DCAF8L2: variants seen among roughly 807,000 people sequenced by gnomAD.
DCAF8L2 encodes DDB1- and CUL4-associated factor 8-like protein 2.
For synonymous variants in DCAF8L2, 200 were observed against 190.9 expected, an observed-to-expected ratio of 1.05 and a Z score of -0.39; for missense variants, 430 against 490.7, an observed-to-expected ratio of 0.88 and a Z score of 1.17.
chrX:27,482,952 T>C, the DCAF8L2 span, among the ~76,000 whole-genome samples: 5 of 111,775 alleles, frequency 4.5e-5, no homozygotes, highest in African/African-American at 1.6e-4. Flanking sequence ...GTTTTGTGTT[T>C]GCTTGTGTGT....
chrX:27,741,902 A>T (rs1038748013), intron 4 of DCAF8L2, among the ~76,000 whole-genome samples: 6 of 112,158 alleles, frequency 5.3e-5, no homozygotes, highest in Admixed American at 2.8e-4. Context: ...AAACAGAAAA[A>T]CTGAGCTCCA....
chrX:27,585,844 T>C (rs930236786), upstream of DCAF8L2, among the ~76,000 whole-genome samples: 6 of 111,707 alleles, frequency 5.4e-5, no homozygotes, highest in Non-Finnish European at 9.4e-5. Context: ...TTCACCCCTT[T>C]AGTGAACTCT....
At chrX:27,710,829 A>ACTT (rs1931499315) in intron 3 of DCAF8L2, among the ~76,000 whole-genome samples, 1 of 112,387 alleles carries the variant, frequency 8.9e-6, no homozygotes, top group Admixed American at 9.4e-5. Flanking sequence ...CATTAGAAGA[A>ACTT]AAGATTTACT....
intron 3 of DCAF8L2, among the ~76,000 whole-genome samples, chrX:27,710,027 T>C (rs1269408269): frequency 3.6e-5 from 4 of 111,594 alleles, no homozygotes; most frequent in Non-Finnish European, 7.5e-5. Context: ...TTGTATATGG[T>C]TTGCATTAAG....
chrX:27,665,880 G>C (rs1929723050), intron 2 of DCAF8L2, among the ~76,000 whole-genome samples: 1 of 111,722 alleles, frequency 9.0e-6, no homozygotes, highest in African/African-American at 3.3e-5. Flanking sequence ...ACACTTAATA[G>C]CCTACAGTGT....
Position 27,708,415 on chromosome X carries a change from C to T in DCAF8L2, c.-142-7673C>T, listed in dbSNP as rs904282448. ...TCCACCATTGACATCTATACCCATA[C>T]CACTCTGAATGTGTCTGATATCAGA... is the stretch of plus-strand genomic sequence containing the variant. On this transcript the variant is annotated intron_variant, in intron 3 of 4. Transcript: ENST00000451261. Among the ~76,000 whole-genome samples, 71 of 111,762 alleles carry T rather than the reference C, an allele frequency of 6.4e-4. 1 individual carries two copies. Among genetic ancestry groups the T allele is most frequent in the African/African-American group, 2.2e-3 (69 of 30,735 alleles).
chrX:27,644,488 A>T (rs1231350895), intron 2 of DCAF8L2, among the ~76,000 whole-genome samples: 1 of 111,439 alleles, frequency 9.0e-6, no homozygotes, highest in African/African-American at 3.3e-5. Flanking sequence ...ACATTGATAA[A>T]TCAGGCTAAC....
chrX:27,590,392 C>T lies in DCAF8L2; in HGVS notation c.-390C>T, dbSNP rs1175313196. 1 of 111,478 alleles carries T rather than the reference C, an allele frequency of 9.0e-6. No individual in the cohort carries two copies. Among genetic ancestry groups the T allele is most frequent in the Non-Finnish European group, 1.9e-5 (1 of 53,120 alleles). The allele number at this position is 111,478 out of a possible 1,213,427, so 9.2% of individuals were successfully genotyped here. A position where few individuals can be genotyped will look rare whatever the true frequency, so the allele number is the denominator to read the frequency against. On this transcript the variant is annotated 5_prime_UTR_variant, in exon 1 of 5. The change creates a new upstream start codon in the 5' untranslated region. Coordinates refer to ENST00000451261, the MANE Select transcript of DCAF8L2 (RefSeq NM_001353450.2). ...CCTCCCCACAAGGTTATTTAGAAGACGTCTTGCACTGTTCAAATGCAGAGG... is the reference window on the plus strand; with the variant it reads ...CCTCCCCACAAGGTTATTTAGAAGATGTCTTGCACTGTTCAAATGCAGAGG...
the DCAF8L2 span, among the ~76,000 whole-genome samples, chrX:27,575,428 C>A: frequency 9.0e-6 from 1 of 111,104 alleles, no homozygotes; most frequent in Admixed American, 9.6e-5. Flanking sequence ...CTATCCTCAC[C>A]TAGGTCAGTG....
At chrX:27,581,234 T>A in the DCAF8L2 span, among the ~76,000 whole-genome samples, 1 of 111,871 alleles carries the variant, frequency 8.9e-6, no homozygotes, top group African/African-American at 3.2e-5. Flanking sequence ...GTACTCTTCA[T>A]GTTTTTTATT....
intron 4 of DCAF8L2, among the ~76,000 whole-genome samples, chrX:27,720,372 A>ATTT (rs200192610): frequency 9.3e-6 from 1 of 108,077 alleles, no homozygotes. Flanking sequence ...TATTATTATT[A>ATTT]TTATTTTTTT....
chrX:27,492,072 T>C, the DCAF8L2 span, among the ~76,000 whole-genome samples: 1 of 112,397 alleles, frequency 8.9e-6, no homozygotes, highest in Middle Eastern at 4.2e-3. Flanking sequence ...GGCACTCTGT[T>C]CTCACCTATA....
chrX:27,705,371 T>C (rs1225349445), intron 3 of DCAF8L2, among the ~76,000 whole-genome samples: 4 of 111,789 alleles, frequency 3.6e-5, no homozygotes, highest in Non-Finnish European at 7.5e-5. Flanking sequence ...TTTGAAGAAC[T>C]GTTTTCCAAA....
At position 27,648,222 on chromosome X, in the gene DCAF8L2, G is replaced by C. The variant is rs766408916; in HGVS notation, c.-220+16222G>C. On this transcript the variant is annotated intron_variant, in intron 2 of 4. Transcript: ENST00000451261. ...TTAGCAGATAAAGATTATAAAATAA[G>C]TATGTATAAGATGTTTAAAGAAATA... Among the ~76,000 whole-genome samples the C allele has an allele frequency of 2.5e-4, 28 of 110,931 alleles. 1 individual carries two copies. The highest frequency in any genetic ancestry group is 9.5e-3 in the Middle Eastern group (2 of 210).
chrX:27,637,874 A>T (rs753236974), intron 2 of DCAF8L2, among the ~76,000 whole-genome samples: 5 of 111,652 alleles, frequency 4.5e-5, no homozygotes, highest in Non-Finnish European at 7.5e-5. Context: ...TTGCTTAGGG[A>T]AGCACAACTA....
At position 27,714,563 on chromosome X, in the gene DCAF8L2, A is replaced by G. The variant is rs150047657; in HGVS notation, c.-142-1525A>G. Among the ~76,000 whole-genome samples, 264 of 112,286 alleles carry G rather than the reference A, an allele frequency of 2.4e-3. 1 individual carries two copies. The highest frequency in any genetic ancestry group is 0.019 in the Admixed American group (202 of 10,604). ...TATTCCCATTGTATAAAATGACTAC[A>G]TTTTAACACCACTAAGATTTAGAAG... On this transcript the variant is annotated intron_variant, in intron 3 of 4. Coordinates refer to ENST00000451261, the MANE Select transcript of DCAF8L2 (RefSeq NM_001353450.2).
chrX:27,527,479 G>C, the DCAF8L2 span, among the ~76,000 whole-genome samples: 1 of 111,010 alleles, frequency 9.0e-6, no homozygotes, highest in Non-Finnish European at 1.9e-5. Flanking sequence ...TCCTGAGTGA[G>C]GCAATGCCTC....
Position 27,672,125 on chromosome X carries a change from A to G in DCAF8L2, c.-219-5711A>G, listed in dbSNP as rs1279546919. Among the ~76,000 whole-genome samples the G allele has an allele frequency of 1.4e-4, 16 of 112,133 alleles. No individual in the cohort carries two copies. In the Admixed American group the frequency reaches 1.5e-3, roughly 11 times the overall value. ...AAATATATCAAAGCAATTTTCACAT[A>G]TATAAAGATTCCATATCAAACAGTG... is the stretch of plus-strand genomic sequence containing the variant. On this transcript the variant is annotated intron_variant, in intron 2 of 4. Coordinates refer to ENST00000451261, the MANE Select transcript of DCAF8L2 (RefSeq NM_001353450.2).
the DCAF8L2 span, among the ~76,000 whole-genome samples, chrX:27,576,271 C>T: frequency 4.5e-5 from 5 of 111,922 alleles, no homozygotes; most frequent in Non-Finnish European, 9.4e-5. Flanking sequence ...GTAGAAGGTA[C>T]AGAGAAATTG....
Sources: gnomAD v4.1 joint callset for allele counts (sites outside exome capture counted in the v4.1 genomes callset) on GRCh38, gnomAD v4.1.1 for gene constraint, MANE v1.5 for transcripts, NCBI Gene and HGNC (gene_info 2026-07-23, HGNC 2026-07-21) for gene names.